The following PCDHGA5 variants were observed in gnomAD, a reference collection of about 807,000 sequenced individuals.
PCDHGA5 encodes the protein protocadherin gamma subfamily A, 5, also known as protocadherin gamma-A5.
In PCDHGA5, 36 loss-of-function variants were observed where a neutral mutation model predicts 56.7. That is an observed-to-expected ratio of 0.64 (90% CI 0.49 to 0.84). The LOEUF is 0.84. Among genes scored for constraint, PCDHGA5 ranks in the 40% least tolerant of loss-of-function variants. PCDHGA5 has a pLI of 0.00. For missense variants in PCDHGA5, 1,305 were observed against 1,201.5 expected (o/e 1.09, Z -1.27); for synonymous variants, 563 against 520.2 (o/e 1.08, Z -1.12).
chr5:141,367,311 G>A (rs1390904308), intron 1 of PCDHGA5: 2 of 152,784 alleles, frequency 1.3e-5, no homozygotes, highest in Middle Eastern at 3.4e-3. Flanking sequence ...GGCTGAGGTG[G>A]GCGGATCACG....
chr5:141,499,261 GT>G (rs2099790689), intron 2 of PCDHGA5, among the ~76,000 whole-genome samples: 1 of 152,022 alleles, frequency 6.6e-6, no homozygotes, highest in South Asian at 2.1e-4. Context: ...TCTCCATTTG[GT>G]CCCTAGACTG....
intron 1 of PCDHGA5, chr5:141,394,336 A>G (rs1205005872): frequency 1.9e-6 from 3 of 1,613,704 alleles, no homozygotes; most frequent in Non-Finnish European, 1.7e-6. Context: ...ATCTCCATCA[A>G]CTCTGACACC....
At chr5:141,386,804 A>G (rs976518864) in intron 1 of PCDHGA5, among the ~76,000 whole-genome samples, 3 of 152,238 alleles carry the variant, frequency 2.0e-5, no homozygotes, top group Non-Finnish European at 2.9e-5. Context: ...AATTTATTAG[A>G]TGCATAAAAT....
At chr5:141,457,289 G>C (rs907200077) in intron 1 of PCDHGA5, among the ~76,000 whole-genome samples, 2 of 152,146 alleles carry the variant, frequency 1.3e-5, no homozygotes, top group African/African-American at 4.8e-5. Flanking sequence ...GAAGTTCCTT[G>C]GTTTTATTTT....
intron 1 of PCDHGA5, chr5:141,419,244 C>T (rs2096349736): frequency 1.2e-6 from 2 of 1,614,008 alleles, no homozygotes; most frequent in Non-Finnish European, 1.7e-6. Context: ...GTCCACGTGC[C>T]AGAAAACAAC....
chr5:141,414,351 G>C (rs771256149), intron 1 of PCDHGA5: 2 of 1,613,676 alleles, frequency 1.2e-6, no homozygotes, highest in Non-Finnish European at 1.7e-6. Context: ...CCATTTTGGC[G>C]TATCTACCAT....
Position 141,491,364 on chromosome 5 carries a change from C to T in PCDHGA5, c.2422-3443C>T. 1 of 1,614,164 alleles carries T rather than the reference C, an allele frequency of 6.2e-7. No homozygotes were observed. The highest frequency in any genetic ancestry group is 8.5e-7 in the Non-Finnish European group (1 of 1,180,000). On this transcript the variant is annotated intron_variant, in intron 1 of 3. Coordinates refer to ENST00000518069, the MANE Select transcript of PCDHGA5 (RefSeq NM_018918.3). This position sits in a 1 kb window ranked among gnomAD's most constrained non-coding sequence, Gnocchi z 6.9. The stretch of plus-strand genomic sequence containing the variant: ...CCGTCAGTCTCTTATCCCTAGTCAC[C>T]TTCACCTTTCTGTCAGCGAAGTGCC...
rs928847931 is a variant in PCDHGA5 at position 141,385,514 on chromosome 5, G to A, written c.2421+18763G>A. 5 of 1,363,488 alleles carry A rather than the reference G, an allele frequency of 3.7e-6. No homozygotes were observed. The African/African-American group carries it at 5.9e-5, about 16-fold the overall frequency. The allele number at this position is 1,363,488 out of a possible 1,614,324, so 84.5% of individuals were successfully genotyped here. ...AGGATATAGTATTTCTTTAGTGAAA[G>A]CCTATGGACAAGATTATGAATATGT... is the stretch of plus-strand genomic sequence containing the variant. On this transcript the variant is annotated intron_variant, in intron 1 of 3. Transcript: ENST00000518069.
chr5:141,431,297 C>T lies in PCDHGA5; in HGVS notation c.2422-63510C>T. The T allele has an allele frequency of 6.2e-7, 1 of 1,614,126 alleles. No homozygotes were observed. The highest frequency in any genetic ancestry group is 8.5e-7 in the Non-Finnish European group (1 of 1,180,036). Reference sequence around the variant, plus strand: ...GCTCAGCCCGAACACTCACTTCTCCCTCATCGTGCAAAATGGAGCCGACGG... The same window carrying T: ...GCTCAGCCCGAACACTCACTTCTCCTTCATCGTGCAAAATGGAGCCGACGG... On this transcript the variant is annotated intron_variant, in intron 1 of 3. Coordinates refer to ENST00000518069, the MANE Select transcript of PCDHGA5 (RefSeq NM_018918.3). This position sits in a 1 kb window ranked among gnomAD's most constrained non-coding sequence, Gnocchi z 4.8.
intron 1 of PCDHGA5, chr5:141,367,550 A>G (rs1175720075): frequency 2.0e-5 from 3 of 147,536 alleles, no homozygotes; most frequent in Non-Finnish European, 4.6e-5. Flanking sequence ...ATAAATAAAT[A>G]AATAAATAAA....
intron 1 of PCDHGA5, chr5:141,418,609 C>G: frequency 6.2e-7 from 1 of 1,614,026 alleles, no homozygotes. Flanking sequence ...ACAGGGTTAG[C>G]CTTCGGGAAG....
intron 1 of PCDHGA5, among the ~76,000 whole-genome samples, chr5:141,457,836 C>T (rs1418402508): frequency 6.6e-6 from 1 of 152,202 alleles, no homozygotes; most frequent in African/African-American, 2.4e-5. Context: ...GCTTCCAGAC[C>T]TGTTAGAAAG....
At chr5:141,407,563 A>T (rs1483622352) in intron 1 of PCDHGA5, among the ~76,000 whole-genome samples, 1 of 152,032 alleles carries the variant, frequency 6.6e-6, no homozygotes, top group Non-Finnish European at 1.5e-5. Context: ...ACATAAGCTG[A>T]AAGATAAAAT....
intron 1 of PCDHGA5, chr5:141,374,893 T>C (rs1261699013): frequency 1.9e-6 from 3 of 1,613,834 alleles, no homozygotes. Context: ...CCGACCAGGA[T>C]GAAGGAGTCC....
Position 141,431,697 on chromosome 5 carries a change from G to A in PCDHGA5, c.2422-63110G>A. The A allele has an allele frequency of 6.2e-7, 1 of 1,614,206 alleles. No homozygotes were observed. Among genetic ancestry groups the A allele is most frequent in the South Asian group, 1.1e-5 (1 of 91,084 alleles). On this transcript the variant is annotated intron_variant, in intron 1 of 3. Transcript: ENST00000518069. This position sits in a 1 kb window ranked among gnomAD's most constrained non-coding sequence, Gnocchi z 4.8. Reference sequence around the variant, plus strand: ...GGGGAGTTGGACCACGAGGAGTCAGGATTCTACCAGATGGAAGTGCAAGCA... The same window carrying A: ...GGGGAGTTGGACCACGAGGAGTCAGAATTCTACCAGATGGAAGTGCAAGCA...
At chr5:141,504,452 T>C (rs1208972630) in intron 2 of PCDHGA5, among the ~76,000 whole-genome samples, 1 of 152,060 alleles carries the variant, frequency 6.6e-6, no homozygotes, top group Non-Finnish European at 1.5e-5. Flanking sequence ...TAGTGCCATG[T>C]GGGGCAGCCG....
At chr5:141,399,001 T>C in intron 1 of PCDHGA5, 1 of 1,613,890 alleles carries the variant, frequency 6.2e-7, no homozygotes, top group Non-Finnish European at 8.5e-7. Context: ...TAGTCTGAAT[T>C]CAAAGAGCGG....
chr5:141,414,850 C>T, intron 1 of PCDHGA5: 1 of 1,614,212 alleles, frequency 6.2e-7, no homozygotes, highest in Non-Finnish European at 8.5e-7. Flanking sequence ...TGTGCTGGAC[C>T]AGAACGACAA....
chr5:141,489,692 G>C lies in PCDHGA5; in HGVS notation c.2422-5115G>C, dbSNP rs768806028. The stretch of plus-strand genomic sequence containing the variant: ...TCAGAATCAGCAGCATCTGGGGCAC[G>C]ATTCCCACTGGACAGTGCCCAGGAT... On this transcript the variant is annotated intron_variant, in intron 1 of 3. Transcript: ENST00000518069. This position sits in a 1 kb window ranked among gnomAD's most constrained non-coding sequence, Gnocchi z 4.5. 6.2e-7 allele frequency: 1 copy of C among 1,614,128 alleles called. No individual in the cohort carries two copies. Among genetic ancestry groups the C allele is most frequent in the South Asian group, 1.1e-5 (1 of 91,080 alleles).
Sources: allele counts gnomAD v4.1 joint callset (sites outside exome capture counted in the v4.1 genomes callset), GRCh38; gene constraint gnomAD v4.1.1; non-coding constraint Gnocchi (gnomAD v3.1); transcripts MANE v1.5; gene names NCBI Gene and HGNC (gene_info 2026-07-23, HGNC 2026-07-21).